The following PATE4 variants were observed in gnomAD, a reference collection of about 807,000 sequenced individuals.
The protein encoded by PATE4 is prostate and testis expressed 4, also known as prostate and testis expressed protein 4.
A neutral mutation model predicts 8.5 loss-of-function variants in PATE4; 13 were observed. The observed-to-expected ratio is 1.53, with a 90% CI of 1.00 to 2.43. PATE4 has a LOEUF of 2.43. Ranked by LOEUF, PATE4 falls within the 30% of genes most tolerant of loss-of-function variation. PATE4 has a pLI of 0.00. For synonymous variants in PATE4, 47 were observed against 39.3 expected, an observed-to-expected ratio of 1.20 and a Z score of -0.73; for missense variants, 127 against 115.5, an observed-to-expected ratio of 1.10 and a Z score of -0.46.
rs1943939318 is a variant in PATE4 at position 125,838,789 on chromosome 11, G to C, written c.*362G>C. Reference sequence around the variant, plus strand: ...ATGGCAAAAGGGACTTTGAAAATGTGATTAAGGATCTTGAGAAGGGGAGGT... The same window carrying C: ...ATGGCAAAAGGGACTTTGAAAATGTCATTAAGGATCTTGAGAAGGGGAGGT... On this transcript the variant is annotated 3_prime_UTR_variant, in exon 3 of 3. Coordinates refer to ENST00000457514, the MANE Select transcript of PATE4 (RefSeq NM_001144874.1). 1.1e-5 allele frequency: 2 copies of C among 186,848 alleles called. No homozygotes were observed. Among genetic ancestry groups the C allele is most frequent in the African/African-American group, 2.3e-5 (1 of 42,978 alleles). 11.6% of individuals were successfully genotyped at this position (186,848 alleles called of 1,614,324 possible).
Position 125,838,536 on chromosome 11 carries a change from C to T in PATE4, c.*109C>T, listed in dbSNP as rs1360151403. ...CAAATTCCACACTGGCCTAAGATCCCAGAGAGAGCTGCAGGGGCTGTCCTC... is the reference window on the plus strand; with the variant it reads ...CAAATTCCACACTGGCCTAAGATCCTAGAGAGAGCTGCAGGGGCTGTCCTC... On this transcript the variant is annotated 3_prime_UTR_variant, in exon 3 of 3. Transcript: ENST00000457514. 4.5e-6 allele frequency: 6 copies of T among 1,337,264 alleles called. No homozygotes were observed. The highest frequency in any genetic ancestry group is 2.0e-4 in the Middle Eastern group (1 of 5,044). The allele number at this position is 1,337,264 out of a possible 1,614,324, so 82.8% of individuals were successfully genotyped here.
In PATE4 at chr11:125,838,879, A is replaced by G. The variant is rs544881160; in HGVS notation, c.*452A>G. The G allele has an allele frequency of 4.1e-4, 63 of 154,140 alleles. No individual in the cohort carries two copies. In the South Asian group the frequency reaches 0.013, roughly 31 times the overall value. 9.5% of individuals were successfully genotyped at this position (154,140 alleles called of 1,614,324 possible). ...ATGCAAAATGCAATAAGATGCAAGT[A>G]AAGGGAGATATGACAAAGAAGAGGA... is the stretch of plus-strand genomic sequence containing the variant. On this transcript the variant is annotated 3_prime_UTR_variant, in exon 3 of 3. Transcript: ENST00000457514.
chr11:125,833,467 T>G, intron 1 of PATE4, 50 bp downstream of exon 1: 1 of 1,474,666 alleles, frequency 6.8e-7, no homozygotes, highest in Middle Eastern at 1.7e-4. Flanking sequence ...GGTGCTGTTC[T>G]CTAAACCTCT....
intron 2 of PATE4, 64 bp downstream of exon 2, chr11:125,838,048 G>A (rs566214312): frequency 7.8e-7 from 1 of 1,276,000 alleles, no homozygotes; most frequent in East Asian, 2.5e-5. Context: ...GCTAGTGCCT[G>A]GAATAAAGAA....
chr11:125,833,334 C>A lies in PATE4; in HGVS notation c.-26C>A. Reference sequence around the variant, plus strand: ...CCTTTCCAATACCTCACTCAGCACACCGTCTGTCACCCAAACAAGCATCCA... The same window carrying A: ...CCTTTCCAATACCTCACTCAGCACAACGTCTGTCACCCAAACAAGCATCCA... On this transcript the variant is annotated 5_prime_UTR_variant, in exon 1 of 3. Transcript: ENST00000457514. The A allele has an allele frequency of 6.5e-7, 1 of 1,550,346 alleles. No homozygotes were observed. Among genetic ancestry groups the A allele is most frequent in the African/African-American group, 1.4e-5 (1 of 73,124 alleles).
chr11:125,837,013 G>A (rs548541531), intron 1 of PATE4, among the ~76,000 whole-genome samples: 1 of 152,274 alleles, frequency 6.6e-6, no homozygotes, highest in East Asian at 1.9e-4. Context: ...TAGTGAGAAT[G>A]GAATTTAGAA....
chr11:125,836,058 G>T (rs900554141), intron 1 of PATE4, among the ~76,000 whole-genome samples: 18 of 151,684 alleles, frequency 1.2e-4, no homozygotes, highest in Non-Finnish European at 1.8e-4. Flanking sequence ...TATTATTATT[G>T]CATGGCACTC....
intron 1 of PATE4, among the ~76,000 whole-genome samples, chr11:125,837,602 T>C (rs1220447178): frequency 6.6e-6 from 1 of 152,234 alleles, no homozygotes. Context: ...CTATATATTA[T>C]CTTTGCTGTT....
intron 1 of PATE4, among the ~76,000 whole-genome samples, chr11:125,836,166 C>A (rs1032181756): frequency 6.8e-6 from 1 of 146,974 alleles, no homozygotes; most frequent in Non-Finnish European, 1.5e-5. Flanking sequence ...AAGTTAGGAG[C>A]CTTGCCTGAA....
At chr11:125,835,346 G>T (rs957023106) in intron 1 of PATE4, 3 of 152,138 alleles carry the variant, frequency 2.0e-5, no homozygotes, top group African/African-American at 7.2e-5. Flanking sequence ...TGAAATGGTG[G>T]AACTGAAAGA....
chr11:125,837,113 A>T (rs1269558335), intron 1 of PATE4, among the ~76,000 whole-genome samples: 1 of 152,208 alleles, frequency 6.6e-6, no homozygotes, highest in Non-Finnish European at 1.5e-5. Flanking sequence ...CGGATTCTAT[A>T]ACCTTGGAAC....
chr11:125,837,862 C>T lies in PATE4; in HGVS notation c.59-6C>T. 6.5e-7 allele frequency: 1 copy of T among 1,543,020 alleles called. No individual in the cohort carries two copies. The highest frequency in any genetic ancestry group is 1.2e-5 in the South Asian group (1 of 83,722). On this transcript the variant is annotated splice_region_variant and splice_polypyrimidine_tract_variant and intron_variant, in intron 1 of 2. Coordinates refer to ENST00000457514, the MANE Select transcript of PATE4 (RefSeq NM_001144874.1). ...GCCTGAATATTCTATTCTCTCCACCCTGCAGTTATGGGTCTGAAGTGTAAT... is the reference window on the plus strand; with the variant it reads ...GCCTGAATATTCTATTCTCTCCACCTTGCAGTTATGGGTCTGAAGTGTAAT...
intron 1 of PATE4, among the ~76,000 whole-genome samples, chr11:125,834,311 T>C (rs1565434382): frequency 6.6e-6 from 1 of 152,118 alleles, no homozygotes; most frequent in Non-Finnish European, 1.5e-5. Context: ...ATATCCCTGA[T>C]ATGTAATGCC....
intron 1 of PATE4, 34 bp downstream of exon 1, chr11:125,833,451 C>T (rs1041431164): frequency 6.6e-5 from 101 of 1,526,608 alleles, no homozygotes; most frequent in Non-Finnish European, 8.6e-5. Flanking sequence ...AGGGAGGCAA[C>T]TTAGGGGTGC....
chr11:125,838,185 T>C (rs1943933914), intron 2 of PATE4, 121 bp from the exon 3 acceptor site: 2 of 1,225,246 alleles, frequency 1.6e-6, no homozygotes, highest in Non-Finnish European at 2.2e-6. Flanking sequence ...ATTGGGAACA[T>C]GAACCCAGGA....
Position 125,837,758 on chromosome 11 carries a change from T to C in PATE4, c.59-110T>C, listed in dbSNP as rs149109443. On this transcript the variant is annotated intron_variant, in intron 1 of 2. Coordinates refer to ENST00000457514, the MANE Select transcript of PATE4 (RefSeq NM_001144874.1). ...CAGGAATTCCACAAATACCAGCTAA[T>C]GGAGTGAGTGGACAGTATCGTCAAT... The C allele has an allele frequency of 1.4e-3, 922 of 653,892 alleles. 10 individuals are homozygous for C. The East Asian group carries it at 0.024, about 17-fold the overall frequency. The allele number at this position is 653,892 out of a possible 1,614,324, so 40.5% of individuals were successfully genotyped here. A position where few individuals can be genotyped will look rare whatever the true frequency, so the allele number is the denominator to read the frequency against.
chr11:125,839,365 A>C lies in PATE4; in HGVS notation c.*938A>C, dbSNP rs1007988596. The C allele has an allele frequency of 4.6e-5, 7 of 152,200 alleles. No homozygotes were observed. The highest frequency in any genetic ancestry group is 1.3e-4 in the Admixed American group (2 of 15,286). 9.4% of individuals were successfully genotyped at this position (152,200 alleles called of 1,614,324 possible). A position where few individuals can be genotyped will look rare whatever the true frequency, so the allele number is the denominator to read the frequency against. ...AATAAATGTGGAGATCAATTTGTGG[A>C]TTTTAAACTTCATGACATGCTGCAG... On this transcript the variant is annotated 3_prime_UTR_variant, in exon 3 of 3. Coordinates refer to ENST00000457514, the MANE Select transcript of PATE4 (RefSeq NM_001144874.1).
At position 125,837,848 on chromosome 11, in the gene PATE4, C is replaced by A. The variant is rs1265655380; in HGVS notation, c.59-20C>A. 2 of 1,521,728 alleles carry A rather than the reference C, an allele frequency of 1.3e-6. No homozygotes were observed. Among genetic ancestry groups the A allele is most frequent in the Admixed American group, 4.0e-5 (2 of 50,546 alleles). The allele number at this position is 1,521,728 out of a possible 1,614,324, so 94.3% of individuals were successfully genotyped here. ...TGTCCCACAATCCAGCCTGAATATT[C>A]TATTCTCTCCACCCTGCAGTTATGG... On this transcript the variant is annotated intron_variant, in intron 1 of 2. Coordinates refer to ENST00000457514, the MANE Select transcript of PATE4 (RefSeq NM_001144874.1).
chr11:125,836,123 C>T (rs1379174672), intron 1 of PATE4, among the ~76,000 whole-genome samples: 2 of 140,690 alleles, frequency 1.4e-5, no homozygotes. Context: ...GATGGCAAGA[C>T]TTTTTTTTTT....
Sources: allele counts gnomAD v4.1 joint callset (sites outside exome capture counted in the v4.1 genomes callset), GRCh38; gene constraint gnomAD v4.1.1; transcripts MANE v1.5; gene names NCBI Gene and HGNC (gene_info 2026-07-23, HGNC 2026-07-21).